The following GPC5 variants were observed in gnomAD, a reference collection of about 807,000 sequenced individuals.
GPC5 encodes glypican 5, also known as glypican-5.
A neutral mutation model predicts 53.9 loss-of-function variants in GPC5; 47 were observed. The ratio of observed to expected loss-of-function variants is 0.87; its 90% CI spans 0.69 to 1.11. GPC5 has a LOEUF of 1.11. Among genes scored for constraint, GPC5 ranks in the 50% most tolerant of loss-of-function variants. The pLI, the probability that GPC5 is intolerant of heterozygous loss-of-function variation, is 0.00. For synonymous variants in GPC5, 286 were observed against 263.3 expected, an observed-to-expected ratio of 1.09 and a Z score of -0.84; for missense variants, 748 against 713.1, an observed-to-expected ratio of 1.05 and a Z score of -0.56.
At chr13:92,677,424 A>G (rs1886982273) in intron 7 of GPC5, among the ~76,000 whole-genome samples, 1 of 152,346 alleles carries the variant, frequency 6.6e-6, no homozygotes, top group Non-Finnish European at 1.5e-5. Context: ...GAGAATGTAC[A>G]GTGTCAGTTC....
chr13:92,212,830 C>T (rs995948710), intron 7 of GPC5, among the ~76,000 whole-genome samples: 38 of 152,188 alleles, frequency 2.5e-4, no homozygotes, highest in Non-Finnish European at 5.1e-4. Flanking sequence ...ACTCCACACC[C>T]TATGCTGTTG....
At chr13:92,396,412 A>G (rs2139330476) in intron 7 of GPC5, among the ~76,000 whole-genome samples, 1 of 150,932 alleles carries the variant, frequency 6.6e-6, no homozygotes, top group Middle Eastern at 3.5e-3. Flanking sequence ...TGCTTTTAAC[A>G]TATTAGCCAC....
At chr13:91,484,104 T>C (rs1883456656) in intron 2 of GPC5, among the ~76,000 whole-genome samples, 2 of 152,206 alleles carry the variant, frequency 1.3e-5, no homozygotes, top group Non-Finnish European at 2.9e-5. Flanking sequence ...ATGAGCTCTT[T>C]TCTAACATGT....
chr13:92,229,005 C>G (rs1312094951), intron 7 of GPC5, among the ~76,000 whole-genome samples: 1 of 151,960 alleles, frequency 6.6e-6, no homozygotes, highest in Admixed American at 6.6e-5. Context: ...AGTTCAAAAT[C>G]AATAGCAAAA....
chr13:91,715,800 C>CTCTCTCTG (rs997034217), intron 3 of GPC5, among the ~76,000 whole-genome samples: 22 of 145,854 alleles, frequency 1.5e-4, no homozygotes, highest in African/African-American at 5.4e-4. Flanking sequence ...CTCTCTCTCT[C>CTCTCTCTG]TGTGTGTGTG....
chr13:92,568,444 C>T (rs557446549), intron 7 of GPC5, among the ~76,000 whole-genome samples: 1 of 152,242 alleles, frequency 6.6e-6, no homozygotes, highest in African/African-American at 2.4e-5. Flanking sequence ...TTTTATTTAT[C>T]CACTGTCAGT....
intron 6 of GPC5, among the ~76,000 whole-genome samples, chr13:92,113,062 A>G (rs1460081731): frequency 1.3e-5 from 2 of 152,120 alleles, no homozygotes; most frequent in Non-Finnish European, 2.9e-5. Context: ...GCATTTTGTC[A>G]TTATGAAATG....
chr13:92,487,441 C>T (rs922443818), intron 7 of GPC5, among the ~76,000 whole-genome samples: 10 of 152,096 alleles, frequency 6.6e-5, no homozygotes, highest in African/African-American at 2.2e-4. Flanking sequence ...TCATGATTCA[C>T]CAAAGGCATG....
intron 1 of GPC5, among the ~76,000 whole-genome samples, chr13:91,436,965 G>C (rs1379310596): frequency 2.6e-5 from 4 of 151,940 alleles, no homozygotes; most frequent in Non-Finnish European, 4.4e-5. Flanking sequence ...CTCTTTTGAT[G>C]TTTGTTGGTT....
chr13:92,551,780 A>G (rs111378532), intron 7 of GPC5, among the ~76,000 whole-genome samples: 5,961 of 151,918 alleles, frequency 0.039, 150 homozygotes, highest in Middle Eastern at 0.12. Context: ...AAACAAACAG[A>G]AAAAGGAATT....
intron 6 of GPC5, among the ~76,000 whole-genome samples, chr13:91,989,972 A>G (rs2040442494): frequency 6.6e-6 from 1 of 152,198 alleles, no homozygotes; most frequent in Non-Finnish European, 1.5e-5. Flanking sequence ...TTTGTGTGAC[A>G]CATAAAGTTA....
At chr13:92,230,056 A>G (rs1363797307) in intron 7 of GPC5, among the ~76,000 whole-genome samples, 2 of 152,158 alleles carry the variant, frequency 1.3e-5, no homozygotes, top group East Asian at 1.9e-4. Context: ...TTTTGAACTG[A>G]TACATTTGTC....
chr13:92,663,600 A>AC (rs1886425818), intron 7 of GPC5, among the ~76,000 whole-genome samples: 1 of 85,022 alleles, frequency 1.2e-5, no homozygotes, highest in Non-Finnish European at 2.9e-5. Context: ...TATATCTACT[A>AC]TATATATATA....
chr13:91,712,402 G>GTATA (rs558385624), intron 3 of GPC5, among the ~76,000 whole-genome samples: 2 of 151,174 alleles, frequency 1.3e-5, no homozygotes, highest in African/African-American at 4.9e-5. Flanking sequence ...GTGTGTGTGT[G>GTATA]TATATATATA....
chr13:92,565,139 A>C lies in GPC5; in HGVS notation c.1562-301143A>C, dbSNP rs1474359695. Reference sequence around the variant, plus strand: ...TACCTAAAGTATTTGTCAATTAAGCATAATTTTGTCTGAAATAGCAAGCTT... The same window carrying C: ...TACCTAAAGTATTTGTCAATTAAGCCTAATTTTGTCTGAAATAGCAAGCTT... On this transcript the variant is annotated intron_variant, in intron 7 of 7. Transcript: ENST00000377067. Among the ~76,000 whole-genome samples the C allele has an allele frequency of 5.3e-5, 8 of 152,102 alleles. No homozygotes were observed. The South Asian group carries it at 1.4e-3, about 28-fold the overall frequency.
At chr13:92,653,945 A>G (rs1886041858) in intron 7 of GPC5, among the ~76,000 whole-genome samples, 1 of 152,210 alleles carries the variant, frequency 6.6e-6, no homozygotes, top group Non-Finnish European at 1.5e-5. Flanking sequence ...CAGGTGGAGA[A>G]TATTCAGCAT....
intron 2 of GPC5, among the ~76,000 whole-genome samples, chr13:91,615,570 T>C (rs1483152137): frequency 6.6e-6 from 1 of 152,168 alleles, no homozygotes; most frequent in Non-Finnish European, 1.5e-5. Flanking sequence ...ATGTTTTTCT[T>C]GTAGTTACAG....
chr13:92,214,160 C>T (rs980778948), intron 7 of GPC5, among the ~76,000 whole-genome samples: 3 of 152,104 alleles, frequency 2.0e-5, no homozygotes, highest in Non-Finnish European at 2.9e-5. Flanking sequence ...TACCCTCTGT[C>T]CTTCACGTGA....
intron 6 of GPC5, among the ~76,000 whole-genome samples, chr13:92,123,236 C>G (rs1379115673): frequency 1.3e-4 from 19 of 151,536 alleles, no homozygotes; most frequent in Non-Finnish European, 1.5e-5. Flanking sequence ...TAAACCCTGT[C>G]TCTACTTTAA....
Sources: gnomAD v4.1 joint callset for allele counts (sites outside exome capture counted in the v4.1 genomes callset) on GRCh38, gnomAD v4.1.1 for gene constraint, MANE v1.5 for transcripts, NCBI Gene and HGNC (gene_info 2026-07-23, HGNC 2026-07-21) for gene names.